Variants in RCAN2 observed in about 807,000 individuals in gnomAD.
RCAN2 encodes calcipressin-2.
Under a neutral mutation model 23.6 loss-of-function variants are expected in RCAN2, and 9 were observed. The ratio of observed to expected loss-of-function variants is 0.38; its 90% CI spans 0.23 to 0.67. The LOEUF (loss-of-function observed/expected upper bound fraction) is 0.67, where lower values mean the gene tolerates loss of function less well. Ranked by LOEUF, RCAN2 falls within the 30% of genes least tolerant of loss-of-function variation. RCAN2 has a pLI of 0.51. For synonymous variants in RCAN2, 109 were observed against 115.7 expected (o/e 0.94, Z 0.37); for missense variants, 273 against 302.3 (o/e 0.90, Z 0.72).
intron 2 of RCAN2, among the ~76,000 whole-genome samples, chr6:46,328,304 T>C (rs929739305): frequency 1.3e-5 from 2 of 152,238 alleles, no homozygotes; most frequent in Non-Finnish European, 2.9e-5. Context: ...AACTCATCTG[T>C]ATAAGCATTA....
chr6:46,475,345 G>T (rs948528727), intron 1 of RCAN2, among the ~76,000 whole-genome samples: 1 of 152,218 alleles, frequency 6.6e-6, no homozygotes. Flanking sequence ...ATACAGAGCA[G>T]CAATTCCATT....
chr6:46,263,321 C>G (rs1459777852), intron 2 of RCAN2, among the ~76,000 whole-genome samples: 1 of 152,136 alleles, frequency 6.6e-6, no homozygotes, highest in African/African-American at 2.4e-5. Flanking sequence ...AAAAATTATA[C>G]AAATTTCTTC....
At chr6:46,405,790 A>T (rs1458487857) in intron 2 of RCAN2, among the ~76,000 whole-genome samples, 1 of 152,156 alleles carries the variant, frequency 6.6e-6, no homozygotes, top group Non-Finnish European at 1.5e-5. Context: ...TGGGTGGTCC[A>T]TGGGACTGGG....
chr6:46,373,415 C>T (rs1290856562), intron 2 of RCAN2, among the ~76,000 whole-genome samples: 1 of 152,106 alleles, frequency 6.6e-6, no homozygotes, highest in African/African-American at 2.4e-5. Context: ...CAGTCATGCA[C>T]TACCACGCCT....
chr6:46,419,987 C>A (rs1273128317), intron 2 of RCAN2, among the ~76,000 whole-genome samples: 1 of 152,084 alleles, frequency 6.6e-6, no homozygotes, highest in Non-Finnish European at 1.5e-5. Flanking sequence ...TAGACAGATC[C>A]TTTTCACTGT....
At chr6:46,404,922 T>C (rs942154681) in intron 2 of RCAN2, among the ~76,000 whole-genome samples, 12 of 152,312 alleles carry the variant, frequency 7.9e-5, no homozygotes, top group Middle Eastern at 3.4e-3. Context: ...CATGAGTGTA[T>C]TGTAAAGATT....
chr6:46,406,616 T>C (rs1396686381), intron 2 of RCAN2, among the ~76,000 whole-genome samples: 1 of 152,246 alleles, frequency 6.6e-6, no homozygotes, highest in Non-Finnish European at 1.5e-5. Context: ...TCTTTTTTCT[T>C]AATGCTTACA....
At chr6:46,331,557 C>T (rs2150367283) in intron 2 of RCAN2, among the ~76,000 whole-genome samples, 1 of 152,240 alleles carries the variant, frequency 6.6e-6, no homozygotes, top group Non-Finnish European at 1.5e-5. Context: ...AGGGCACTTA[C>T]CTTATGGTAT....
chr6:46,457,877 C>T lies in RCAN2; in HGVS notation c.-2-899G>A, dbSNP rs1261624670. Among the ~76,000 whole-genome samples, 3 of 152,134 alleles carry T rather than the reference C, an allele frequency of 2.0e-5. No homozygotes were observed. The East Asian group carries it at 5.8e-4, about 29-fold the overall frequency. On this transcript the variant is annotated intron_variant, in intron 1 of 4. Transcript: ENST00000371374. ...ATTATTTTTTCACCCCTTATATTTG[C>T]AGTTTGCCTAACTGCAGAGTTTTTC...
chr6:46,479,829 T>C (rs1295034996), intron 1 of RCAN2, among the ~76,000 whole-genome samples: 1 of 151,994 alleles, frequency 6.6e-6, no homozygotes, highest in Non-Finnish European at 1.5e-5. Flanking sequence ...GATCTGCCCA[T>C]CTCAGCCTCC....
At chr6:46,457,054 A>G in intron 1 of RCAN2, 76 bp from the exon 2 acceptor site, 1 of 979,864 alleles carries the variant, frequency 1.0e-6, no homozygotes, top group Non-Finnish European at 1.6e-6. Flanking sequence ...ACAGTTTTGT[A>G]TTGTCAGGGG....
chr6:46,449,222 A>G (rs908028193), intron 2 of RCAN2, among the ~76,000 whole-genome samples: 1 of 151,618 alleles, frequency 6.6e-6, no homozygotes, highest in Non-Finnish European at 1.5e-5. Context: ...AACCAACCAA[A>G]TTACAAAAGC....
chr6:46,477,694 GTCGTTACCAATTCC>G (rs1768753116), intron 1 of RCAN2, among the ~76,000 whole-genome samples: 1 of 152,060 alleles, frequency 6.6e-6, no homozygotes, highest in Non-Finnish European at 1.5e-5. Flanking sequence ...TAAAAATAAC[GTCGTTACCAATTCC>G]TACAAAAATC....
intron 2 of RCAN2, among the ~76,000 whole-genome samples, chr6:46,288,122 A>G (rs928209025): frequency 6.6e-6 from 1 of 152,194 alleles, no homozygotes; most frequent in African/African-American, 2.4e-5. Context: ...TTTCAGTAGC[A>G]GACTCCCTCT....
At chr6:46,302,722 T>C (rs1330765759) in intron 2 of RCAN2, among the ~76,000 whole-genome samples, 1 of 152,092 alleles carries the variant, frequency 6.6e-6, no homozygotes, top group Non-Finnish European at 1.5e-5. Flanking sequence ...CAGCAGACAC[T>C]GGCTACACTA....
intron 2 of RCAN2, among the ~76,000 whole-genome samples, chr6:46,362,949 T>C (rs1329836361): frequency 6.6e-6 from 1 of 152,204 alleles, no homozygotes; most frequent in African/African-American, 2.4e-5. Context: ...ACCTGTATTG[T>C]GCAGAAATTA....
intron 1 of RCAN2, 146 bp from the exon 2 acceptor site, chr6:46,457,124 C>T: frequency 1.6e-6 from 1 of 622,400 alleles, no homozygotes; most frequent in Non-Finnish European, 2.8e-6. Flanking sequence ...AGAAGATCTG[C>T]AAGTTCACAT....
intron 1 of RCAN2, among the ~76,000 whole-genome samples, chr6:46,481,984 A>G (rs914231113): frequency 1.9e-4 from 26 of 134,180 alleles, no homozygotes; most frequent in Non-Finnish European, 4.0e-4. Context: ...GAAAAAATCT[A>G]AAAGCAAGAA....
At chr6:46,370,179 A>G (rs1765288956) in intron 2 of RCAN2, among the ~76,000 whole-genome samples, 1 of 152,100 alleles carries the variant, frequency 6.6e-6, no homozygotes, top group Non-Finnish European at 1.5e-5. Context: ...ATTCTTCCAC[A>G]TTCAAATCAC....
Sources: gnomAD v4.1 joint callset for allele counts (sites outside exome capture counted in the v4.1 genomes callset) on GRCh38, gnomAD v4.1.1 for gene constraint, MANE v1.5 for transcripts, NCBI Gene and HGNC (gene_info 2026-07-23, HGNC 2026-07-21) for gene names.